PTPN22: variants seen among roughly 807,000 people sequenced by gnomAD.
The protein encoded by PTPN22 is tyrosine-protein phosphatase non-receptor type 22.
A neutral mutation model predicts 103.3 loss-of-function variants in PTPN22; 85 were observed. That is an observed-to-expected ratio of 0.82 (90% confidence interval 0.69 to 0.99). The LOEUF is 0.99. Among genes scored for constraint, PTPN22 ranks in the 50% least tolerant of loss-of-function variants. PTPN22 has a pLI of 0.00. For missense variants in PTPN22, 865 were observed against 936.9 expected, an observed-to-expected ratio of 0.92 and a Z score of 1.00; for synonymous variants, 323 against 310.2, an observed-to-expected ratio of 1.04 and a Z score of -0.43.
At chr1:113,818,015 C>A (rs982266890) in intron 20 of PTPN22, among the ~76,000 whole-genome samples, 8 of 149,296 alleles carry the variant, frequency 5.4e-5, no homozygotes, top group Non-Finnish European at 1.0e-4. Flanking sequence ...GTCTTCAACT[C>A]CTGGGCTCAA....
Position 113,859,079 on chromosome 1 carries a change from C to G in PTPN22, c.197-1G>C, listed in dbSNP as rs74163641. On this transcript the variant is annotated splice_acceptor_variant, in intron 2 of 20. Transcript: ENST00000359785. LOFTEE classifies it high-confidence loss of function. ...GATAGTTCTACCCGGCTATAATCAT[C>G]TATAATACAAAAGACAGACATAGTA... The G allele has an allele frequency of 1.9e-5, 30 of 1,613,298 alleles. No homozygotes were observed. Among genetic ancestry groups the G allele is most frequent in the Non-Finnish European group, 2.5e-5 (30 of 1,179,646 alleles).
At chr1:113,848,851 A>C (rs913028411) in intron 10 of PTPN22, among the ~76,000 whole-genome samples, 2 of 152,086 alleles carry the variant, frequency 1.3e-5, no homozygotes, top group Non-Finnish European at 2.9e-5. Context: ...TATTTGATAC[A>C]CCTCTAACTA....
At chr1:113,871,474 G>A in intron 1 of PTPN22, 63 bp downstream of exon 1, 1 of 1,363,788 alleles carries the variant, frequency 7.3e-7, no homozygotes, top group Non-Finnish European at 1.0e-6. Flanking sequence ...CGGAAAATTG[G>A]ACCCCCATAG....
intron 11 of PTPN22, among the ~76,000 whole-genome samples, chr1:113,847,357 G>A (rs542686228): frequency 3.3e-4 from 42 of 127,460 alleles, no homozygotes; most frequent in African/African-American, 1.2e-3. Flanking sequence ...TTTTAACTAT[G>A]TTTTTAATTG....
chr1:113,846,992 A>ATT (rs778146828), intron 11 of PTPN22, among the ~76,000 whole-genome samples: 1,186 of 76,050 alleles, frequency 0.016, 39 homozygotes, highest in East Asian at 0.081. Context: ...CCAATGCTAG[A>ATT]TTTTTTTTTT....
intron 13 of PTPN22, among the ~76,000 whole-genome samples, chr1:113,836,968 T>C (rs947401390): frequency 6.6e-6 from 1 of 152,090 alleles, no homozygotes; most frequent in Admixed American, 6.6e-5. Context: ...GCCTTTGATA[T>C]ACATTTCTAG....
intron 11 of PTPN22, among the ~76,000 whole-genome samples, chr1:113,843,048 C>T (rs1328944012): frequency 7.8e-6 from 1 of 128,346 alleles, no homozygotes; most frequent in East Asian, 2.1e-4. Flanking sequence ...TGCAGTGAGC[C>T]GAGATCCCGC....
Position 113,825,136 on chromosome 1 carries a change from ACTTACT to A in PTPN22, c.2281_2281+5del. 2 of 1,497,904 alleles carry A rather than the reference ACTTACT, an allele frequency of 1.3e-6. No individual in the cohort carries two copies. The highest frequency in any genetic ancestry group is 1.4e-5 in the African/African-American group (1 of 71,698). 92.8% of individuals were successfully genotyped at this position (1,497,904 alleles called of 1,614,324 possible). ...ACGATATTTTTAAACATAAGTACCA[ACTTACT>A]CTTTTTCATGTTTCGCAAAATTTTC... On this transcript the variant is annotated splice_donor_variant and splice_donor_5th_base_variant and coding_sequence_variant and intron_variant, in exon 19 of 21. Transcript: ENST00000359785. LOFTEE classifies it high-confidence loss of function.
At chr1:113,834,222 T>A in intron 15 of PTPN22, 87 bp downstream of exon 15, 2 of 1,337,296 alleles carry the variant, frequency 1.5e-6, no homozygotes, top group Non-Finnish European at 2.1e-6. Flanking sequence ...TGCTTAGGAT[T>A]TATTGAATGA....
chr1:113,848,790 G>A (rs1406213124), intron 10 of PTPN22, among the ~76,000 whole-genome samples, 164 bp from the exon 11 acceptor site: 1 of 152,134 alleles, frequency 6.6e-6, no homozygotes, highest in Non-Finnish European at 1.5e-5. Context: ...TTATGCTTAC[G>A]TAGTTCACTT....
intron 12 of PTPN22, 42 bp downstream of exon 12, chr1:113,838,502 G>A: frequency 1.2e-6 from 2 of 1,604,520 alleles, no homozygotes; most frequent in Non-Finnish European, 1.7e-6. Flanking sequence ...TCATCTCCCA[G>A]ACACAATTAG....
At chr1:113,853,032 G>A (rs1161727598) in intron 9 of PTPN22, among the ~76,000 whole-genome samples, 4 of 152,068 alleles carry the variant, frequency 2.6e-5, no homozygotes, top group African/African-American at 2.4e-5. Context: ...TCTGTCTCCC[G>A]GGTTCAAGCG....
At chr1:113,848,909 T>C (rs976746070) in intron 10 of PTPN22, among the ~76,000 whole-genome samples, 1 of 152,176 alleles carries the variant, frequency 6.6e-6, no homozygotes, top group Non-Finnish European at 1.5e-5. Context: ...TAAACCTAGT[T>C]TCTTATCTTT....
chr1:113,841,116 C>A (rs1663505147), intron 11 of PTPN22, among the ~76,000 whole-genome samples: 1 of 151,940 alleles, frequency 6.6e-6, no homozygotes, highest in African/African-American at 2.4e-5. Flanking sequence ...CCCAGCTACT[C>A]AAGAGGCTGA....
chr1:113,828,685 C>G (rs576846726), intron 18 of PTPN22, among the ~76,000 whole-genome samples: 454 of 152,262 alleles, frequency 3.0e-3, no homozygotes, highest in Non-Finnish European at 4.6e-3. Context: ...CTCTGTCACC[C>G]AGGCTGGAGT....
At chr1:113,857,537 G>T in intron 5 of PTPN22, 1 of 527,454 alleles carries the variant, frequency 1.9e-6, no homozygotes, top group Non-Finnish European at 3.4e-6. Flanking sequence ...AAAACATAGG[G>T]TCTACTGAGA....
At chr1:113,816,332 C>T (rs1445108211) in intron 20 of PTPN22, among the ~76,000 whole-genome samples, 3 of 150,626 alleles carry the variant, frequency 2.0e-5, no homozygotes, top group Non-Finnish European at 3.0e-5. Flanking sequence ...AAAAATTAGC[C>T]GGGCATGGTG....
chr1:113,834,475 T>C, intron 14 of PTPN22, 36 bp from the exon 15 acceptor site: 2 of 1,578,612 alleles, frequency 1.3e-6, no homozygotes, highest in East Asian at 2.2e-5. Flanking sequence ...TTCTTAAGAA[T>C]AGTATTCTTT....
At chr1:113,854,783 G>C in intron 8 of PTPN22, 124 bp downstream of exon 8, 1 of 1,260,272 alleles carries the variant, frequency 7.9e-7, no homozygotes, top group Non-Finnish European at 1.1e-6. Context: ...TGAATTTAAT[G>C]CTTAGGTTGA....
Sources: gnomAD v4.1 joint callset for allele counts (sites outside exome capture counted in the v4.1 genomes callset) on GRCh38, gnomAD v4.1.1 for gene constraint, MANE v1.5 for transcripts, NCBI Gene and HGNC (gene_info 2026-07-23, HGNC 2026-07-21) for gene names.